The following NOM1 variants were observed in gnomAD, a reference collection of about 807,000 sequenced individuals.
NOM1 encodes nucleolar protein with MIF4G domain 1, also known as nucleolar MIF4G domain-containing protein 1.
In NOM1, 58 loss-of-function variants were observed where a neutral mutation model predicts 73.3. That is an observed-to-expected ratio of 0.79 (90% CI 0.64 to 0.99). The LOEUF (loss-of-function observed/expected upper bound fraction) is 0.99, where lower values mean the gene tolerates loss of function less well. Ranked by LOEUF, NOM1 falls within the 50% of genes least tolerant of loss-of-function variation. The pLI is 0.00. For synonymous variants in NOM1, 487 were observed against 446.8 expected, an observed-to-expected ratio of 1.09 and a Z score of -1.14; for missense variants, 1,226 against 1,131.9, an observed-to-expected ratio of 1.08 and a Z score of -1.19.
intron 1 of NOM1, 49 bp downstream of exon 1, chr7:156,950,773 C>T: frequency 6.7e-7 from 1 of 1,487,490 alleles, no homozygotes; most frequent in Non-Finnish European, 9.0e-7. Context: ...TTCAAAATAA[C>T]GGGACAGGGA....
intron 5 of NOM1, 96 bp from the exon 6 acceptor site, chr7:156,962,912 A>G: frequency 1.5e-6 from 2 of 1,355,342 alleles, no homozygotes; most frequent in South Asian, 1.4e-5. Context: ...TTCATGCACC[A>G]GAAATGTCAT....
rs146778423 is a variant in NOM1 at position 156,952,163 on chromosome 7, A to T, written c.988-311A>T. 2.0e-5 allele frequency among the ~76,000 whole-genome samples: 3 copies of T among 152,312 alleles called. No individual in the cohort carries two copies. The East Asian group carries it at 5.8e-4, about 29-fold the overall frequency. ...TTAAGGCCGAGCAAAAGCGCAGTAG[A>T]TAGGGCTCTGTTGGAGTTGAGCAGA... On this transcript the variant is annotated intron_variant, in intron 1 of 10. Coordinates refer to ENST00000275820, the MANE Select transcript of NOM1 (RefSeq NM_138400.2).
chr7:156,961,852 G>A (rs903312992), intron 4 of NOM1, among the ~76,000 whole-genome samples: 4 of 152,260 alleles, frequency 2.6e-5, no homozygotes, highest in East Asian at 1.9e-4. Flanking sequence ...CGGGGTGGCC[G>A]AGTAGGTGTG....
chr7:156,967,818 C>G (rs1805037932), intron 9 of NOM1, among the ~76,000 whole-genome samples: 1 of 152,070 alleles, frequency 6.6e-6, no homozygotes, highest in Admixed American at 6.6e-5. Flanking sequence ...CCAGTGCGCC[C>G]AGCTGAAACC....
At chr7:156,968,492 C>G (rs1288296264) in intron 9 of NOM1, among the ~76,000 whole-genome samples, 1 of 152,158 alleles carries the variant, frequency 6.6e-6, no homozygotes, top group Admixed American at 6.5e-5. Context: ...GTCCCCTCCT[C>G]TAGCTCGCTG....
At chr7:156,962,048 T>C (rs1388758843) in intron 4 of NOM1, 103 bp from the exon 5 acceptor site, 1 of 858,066 alleles carries the variant, frequency 1.2e-6, no homozygotes, top group Non-Finnish European at 2.0e-6. Flanking sequence ...ATCGTGGCGG[T>C]GGCGGCCATG....
At chr7:156,968,613 C>G (rs1038512298) in intron 9 of NOM1, 3 of 140,760 alleles carry the variant, frequency 2.1e-5, no homozygotes, top group African/African-American at 5.4e-5. Context: ...TCCTACTGAT[C>G]CGTGTTTATT....
At chr7:156,957,458 G>A (rs1013253278) in intron 3 of NOM1, among the ~76,000 whole-genome samples, 1 of 152,276 alleles carries the variant, frequency 6.6e-6, no homozygotes, top group Non-Finnish European at 1.5e-5. Context: ...AGAATTTTGA[G>A]AAATTTTGAT....
In NOM1 at chr7:156,950,296, C is replaced by T. The variant is rs1804552865; in HGVS notation, c.559C>T (p.Arg187Ter). Residue 187 changes from arginine (R) to a stop codon, truncating the protein, a stop_gained, in exon 1 of 11, where the codon CGA (arginine) becomes TGA (stop). Transcript: ENST00000275820. LOFTEE classifies it high-confidence loss of function. ...AANEEEDREIRKLERCLGLNK... is the reference protein window; with the variant it reads ...AANEEEDREI ...GAACGAGGAGGAGGACCGAGAGATC[C>T]GAAAGCTGGAGCGTTGCCTCGGTTT... 1.9e-6 allele frequency: 3 copies of T among 1,614,118 alleles called. No homozygotes were observed. The highest frequency in any genetic ancestry group is 2.2e-5 in the East Asian group (1 of 44,880).
At chr7:156,958,008 T>C (rs924359512) in intron 3 of NOM1, among the ~76,000 whole-genome samples, 1 of 152,208 alleles carries the variant, frequency 6.6e-6, no homozygotes, top group African/African-American at 2.4e-5. Context: ...GAAGTGTATA[T>C]CCAGTCCATC....
chr7:156,964,720 T>C (rs1804953394), intron 7 of NOM1, among the ~76,000 whole-genome samples: 1 of 152,242 alleles, frequency 6.6e-6, no homozygotes, highest in East Asian at 1.9e-4. Flanking sequence ...TTTAGGATTC[T>C]GATAATTAGG....
chr7:156,968,400 G>A (rs1159946043), intron 9 of NOM1, among the ~76,000 whole-genome samples: 1 of 152,054 alleles, frequency 6.6e-6, no homozygotes, highest in Non-Finnish European at 1.5e-5. Flanking sequence ...TGGTCTCGCC[G>A]CGTCCTCGGG....
At chr7:156,957,411 A>G (rs776654261) in intron 3 of NOM1, among the ~76,000 whole-genome samples, 3 of 152,168 alleles carry the variant, frequency 2.0e-5, no homozygotes, top group Admixed American at 1.3e-4. Flanking sequence ...ATGCTGTTAT[A>G]TTTTATTTTG....
At chr7:156,956,148 G>A (rs1320384668) in intron 3 of NOM1, among the ~76,000 whole-genome samples, 1 of 151,540 alleles carries the variant, frequency 6.6e-6, no homozygotes, top group Non-Finnish European at 1.5e-5. Context: ...AGCCGAGATC[G>A]CGTCACTGCA....
chr7:156,969,239 A>T, intron 10 of NOM1, 43 bp downstream of exon 10: 1 of 1,049,610 alleles, frequency 9.5e-7, no homozygotes, highest in South Asian at 1.3e-5. Flanking sequence ...AAGAGAAATG[A>T]AGAGATTGTT....
intron 3 of NOM1, among the ~76,000 whole-genome samples, chr7:156,957,235 G>A (rs1252458259): frequency 1.3e-5 from 2 of 152,114 alleles, no homozygotes; most frequent in African/African-American, 4.8e-5. Context: ...AAAACATTCT[G>A]TGTTAAAGAC....
At position 156,954,149 on chromosome 7, in the gene NOM1, C is replaced by A. The variant is rs1804660906; in HGVS notation, c.1159C>A (p.Leu387Met). 1.9e-6 allele frequency: 3 copies of A among 1,612,814 alleles called. No individual in the cohort carries two copies. The highest frequency in any genetic ancestry group is 2.5e-6 in the Non-Finnish European group (3 of 1,179,608). ...MASISGQLEE[L>M]YMAHSRKDMN... ...TTCCATCAGTGGGCAGCTGGAGGAA[C>A]TGTACATGGCCCACAGCAGAAAGGA... The change falls in exon 3 of 11, where the codon CTG (leucine) becomes ATG (methionine). Residue 387 changes from leucine (L) to methionine (M), a missense_variant. Physicochemically the swap from Leu to Met is conservative, Grantham distance 15. Transcript: ENST00000275820.
At chr7:156,959,027 G>A (rs148184078) in intron 3 of NOM1, among the ~76,000 whole-genome samples, 3 of 152,176 alleles carry the variant, frequency 2.0e-5, no homozygotes, top group Non-Finnish European at 4.4e-5. Context: ...CACTCGTATT[G>A]CTTCCTTGTA....
chr7:156,953,153 T>A (rs1804634968), intron 2 of NOM1, among the ~76,000 whole-genome samples: 1 of 152,212 alleles, frequency 6.6e-6, no homozygotes, highest in Non-Finnish European at 1.5e-5. Flanking sequence ...ATGGAGTTTT[T>A]GCTCTTGCTG....
Sources: gnomAD v4.1 joint callset for allele counts (sites outside exome capture counted in the v4.1 genomes callset) on GRCh38, gnomAD v4.1.1 for gene constraint, MANE v1.5 for transcripts, NCBI Gene and HGNC (gene_info 2026-07-23, HGNC 2026-07-21) for gene names.